The following ARHGEF10 variants were observed in gnomAD, a reference collection of about 807,000 sequenced individuals.
ARHGEF10 encodes Rho guanine nucleotide exchange factor 10, also known as Rho guanine nucleotide exchange factor (GEF) 10.
A neutral mutation model predicts 147.4 loss-of-function variants in ARHGEF10; 140 were observed. The ratio of observed to expected loss-of-function variants is 0.95; its 90% CI spans 0.83 to 1.09. The LOEUF (loss-of-function observed/expected upper bound fraction) is 1.09. Ranked by LOEUF, ARHGEF10 falls within the 50% of genes least tolerant of loss-of-function variation. ARHGEF10 has a pLI of 0.00. For synonymous variants in ARHGEF10, 902 were observed against 695.8 expected, an observed-to-expected ratio of 1.30 and a Z score of -4.67; for missense variants, 2,222 against 1,752.7, an observed-to-expected ratio of 1.27 and a Z score of -4.78.
intron 1 of ARHGEF10, among the ~76,000 whole-genome samples, chr8:1,837,858 G>A (rs1244617780): frequency 6.6e-6 from 1 of 152,176 alleles, no homozygotes; most frequent in Non-Finnish European, 1.5e-5. Flanking sequence ...GAGAAACTGA[G>A]GGATACCACG....
intron 18 of ARHGEF10, among the ~76,000 whole-genome samples, 196 bp from the exon 19 acceptor site, chr8:1,922,768 A>G (rs1349616314): frequency 1.3e-5 from 2 of 152,192 alleles, no homozygotes; most frequent in African/African-American, 2.4e-5. Context: ...CAACTTTTCC[A>G]TCTAAAATTA....
At position 1,909,483 on chromosome 8, in the gene ARHGEF10, T is replaced by G. The variant is rs2294041; in HGVS notation, c.2143+13T>G. 0.26 allele frequency: 414,256 copies of G among 1,613,146 alleles called. 54,544 individuals are homozygous for G. Among genetic ancestry groups the G allele is most frequent in the African/African-American group, 0.34 (25,271 of 74,960 alleles). On this transcript the variant is annotated intron_variant, in intron 18 of 28. Transcript: ENST00000349830. Reference sequence around the variant, plus strand: ...AACGCGAAACCAAGTAAGTGATGCTTTCTCTCACGTTCGTGCCGTGGGGCC... The same window carrying G: ...AACGCGAAACCAAGTAAGTGATGCTGTCTCTCACGTTCGTGCCGTGGGGCC...
rs1310735172 is a variant in ARHGEF10 at position 1,909,403 on chromosome 8, C to T, written c.2076C>T (p.Gly692=). 18 of 1,613,982 alleles carry T rather than the reference C, an allele frequency of 1.1e-5. No homozygotes were observed. Among genetic ancestry groups the T allele is most frequent in the African/African-American group, 4.0e-5 (3 of 74,924 alleles). Residue 692 remains glycine, a synonymous_variant, in exon 18 of 29, where the codon GGC becomes GGT. Transcript: ENST00000349830. ...AIEYGSSAGT[G]EHSRHLAVHP... Reference sequence around the variant, plus strand: ...AGTATGGCAGCAGCGCAGGCACGGGCGAGCACAGCAGGCACCTTGCCGTTC... The same window carrying T: ...AGTATGGCAGCAGCGCAGGCACGGGTGAGCACAGCAGGCACCTTGCCGTTC...
At chr8:1,923,949 G>T in intron 21 of ARHGEF10, 75 bp downstream of exon 21, 2 of 1,383,668 alleles carry the variant, frequency 1.4e-6, no homozygotes, top group Non-Finnish European at 2.0e-6. Context: ...GGTGAGGTCA[G>T]GGTTGAGAAG....
rs78701849 is a variant in ARHGEF10 at position 1,858,586 on chromosome 8, A to T, written c.193+471A>T. ...CACTAGATTAAAAGAAATATTCAGA[A>T]CATGTGGGATGAAGTAGCTGTAGAG... is the stretch of plus-strand genomic sequence containing the variant. On this transcript the variant is annotated intron_variant, in intron 3 of 28. Coordinates refer to ENST00000349830, the MANE Select transcript of ARHGEF10 (RefSeq NM_014629.4). Among the ~76,000 whole-genome samples, 634 of 152,328 alleles carry T rather than the reference A, an allele frequency of 4.2e-3. 10 individuals are homozygous for T. Among genetic ancestry groups the T allele is most frequent in the East Asian group, 0.024 (126 of 5,174 alleles).
intron 15 of ARHGEF10, among the ~76,000 whole-genome samples, chr8:1,899,347 C>T (rs1432277896): frequency 6.6e-6 from 1 of 152,190 alleles, no homozygotes; most frequent in Non-Finnish European, 1.5e-5. Context: ...GTTGATTTTT[C>T]AATGATTGCT....
At chr8:1,926,614 A>T in intron 23 of ARHGEF10, 151 bp downstream of exon 23, 1 of 737,232 alleles carries the variant, frequency 1.4e-6, no homozygotes, top group Non-Finnish European at 2.4e-6. Context: ...CTTCTTTGAA[A>T]GGGAGCTGAT....
chr8:1,949,717 A>G (rs1814875790), intron 27 of ARHGEF10, among the ~76,000 whole-genome samples: 1 of 152,120 alleles, frequency 6.6e-6, no homozygotes, highest in Non-Finnish European at 1.5e-5. Context: ...CATGGACTAC[A>G]CCGTAAGGGA....
At chr8:1,832,450 A>G (rs2129036508) in intron 1 of ARHGEF10, among the ~76,000 whole-genome samples, 1 of 148,346 alleles carries the variant, frequency 6.7e-6, no homozygotes, top group East Asian at 2.0e-4. Context: ...AGGCAGAGAC[A>G]GAGACAGAGG....
intron 16 of ARHGEF10, 45 bp from the exon 17 acceptor site, chr8:1,905,526 G>T (rs766430192): frequency 6.2e-7 from 1 of 1,613,348 alleles, no homozygotes. Flanking sequence ...TTTCTTTTCC[G>T]GGTAAACTGA....
intron 2 of ARHGEF10, among the ~76,000 whole-genome samples, chr8:1,844,311 G>A (rs1804336419): frequency 9.1e-6 from 1 of 109,880 alleles, no homozygotes; most frequent in Non-Finnish European, 2.0e-5. Flanking sequence ...CAGCCTGGAA[G>A]TCAGGCTGTT....
intron 1 of ARHGEF10, among the ~76,000 whole-genome samples, chr8:1,827,289 A>G (rs1302532366): frequency 6.6e-6 from 1 of 152,176 alleles, no homozygotes; most frequent in Non-Finnish European, 1.5e-5. Flanking sequence ...TTCTGTGAGT[A>G]GTTTTCCAAA....
intron 17 of ARHGEF10, among the ~76,000 whole-genome samples, chr8:1,906,875 C>G (rs1038356764): frequency 1.3e-5 from 2 of 152,208 alleles, no homozygotes; most frequent in African/African-American, 4.8e-5. Context: ...TCGTCAGTGA[C>G]TTTGTGGCAG....
At chr8:1,887,864 C>T (rs1273938269) in intron 11 of ARHGEF10, among the ~76,000 whole-genome samples, 2 of 137,170 alleles carry the variant, frequency 1.5e-5, no homozygotes, top group African/African-American at 5.6e-5. Flanking sequence ...TGTGAGGGGT[C>T]TGTGGGGAGT....
At chr8:1,954,215 T>C (rs892267020) in intron 28 of ARHGEF10, among the ~76,000 whole-genome samples, 1 of 151,574 alleles carries the variant, frequency 6.6e-6, no homozygotes, top group Admixed American at 6.6e-5. Flanking sequence ...TGCCTCAGCC[T>C]CCCTAGTAGC....
intron 15 of ARHGEF10, among the ~76,000 whole-genome samples, chr8:1,901,250 T>A (rs1189924938): frequency 6.6e-6 from 1 of 152,000 alleles, no homozygotes; most frequent in African/African-American, 2.4e-5. Context: ...GTGTGCTGAG[T>A]GTAGGTGGAT....
chr8:1,925,506 C>T, intron 22 of ARHGEF10, 102 bp downstream of exon 22: 3 of 1,497,062 alleles, frequency 2.0e-6, no homozygotes. Context: ...AGAACATGGT[C>T]CTCCCAGGTT....
chr8:1,882,410 GC>G (rs922056797), intron 9 of ARHGEF10, among the ~76,000 whole-genome samples: 1 of 152,192 alleles, frequency 6.6e-6, no homozygotes, highest in African/African-American at 2.4e-5. Flanking sequence ...CATAAATGGG[GC>G]AGGGAACATG....
At chr8:1,945,692 A>T in intron 27 of ARHGEF10, 37 bp downstream of exon 27, 1 of 1,612,590 alleles carries the variant, frequency 6.2e-7, no homozygotes, top group Non-Finnish European at 8.5e-7. Context: ...ATGGGACAGC[A>T]ACCGGGGACG....
Sources: allele counts gnomAD v4.1 joint callset (sites outside exome capture counted in the v4.1 genomes callset), GRCh38; gene constraint gnomAD v4.1.1; transcripts MANE v1.5; gene names NCBI Gene and HGNC (gene_info 2026-07-23, HGNC 2026-07-21).